Variants in POLQ observed in about 807,000 individuals in gnomAD.
POLQ encodes the protein DNA polymerase theta.
In POLQ, 233 loss-of-function variants were observed where a neutral mutation model predicts 259.2. The ratio of observed to expected loss-of-function variants is 0.90; its 90% CI spans 0.81 to 1.00. POLQ has a LOEUF of 1.00. Among genes scored for constraint, POLQ ranks in the 50% least tolerant of loss-of-function variants. The probability of loss-of-function intolerance (pLI) is 0.00; values close to 1 mark genes in which losing one functional copy is unlikely to be tolerated. For missense variants in POLQ, 2,871 were observed against 3,051.6 expected, an observed-to-expected ratio of 0.94 and a Z score of 1.39; for synonymous variants, 1,025 against 1,048.8, an observed-to-expected ratio of 0.98 and a Z score of 0.44.
Position 121,489,317 on chromosome 3 carries a change from C to T in POLQ, c.3614G>A (p.Ser1205Asn), listed in dbSNP as rs760876842. 4.3e-6 allele frequency: 7 copies of T among 1,613,638 alleles called. No individual in the cohort carries two copies. Among genetic ancestry groups the T allele is most frequent in the Non-Finnish European group, 5.1e-6 (6 of 1,179,730 alleles). The stretch of plus-strand genomic sequence containing the variant: ...TATATTTTTCTGTTTGGTAATAGTG[C>T]TTGTCTGTTCATGAGATTGCTTTCG... ...YLRKQSHEQT[S>N]TITKQKNIIE... Residue 1205 changes from serine to asparagine, a missense_variant, in exon 16 of 30, where the codon AGC (serine) becomes AAC (asparagine). This residue lies in a region of POLQ where 2,080 missense variants were observed against 2,126.0 expected (regional missense o/e 0.98). Coordinates refer to ENST00000264233, the MANE Select transcript of POLQ (RefSeq NM_199420.4).
chr3:121,491,535 T>G (rs545522787), intron 15 of POLQ, among the ~76,000 whole-genome samples: 1 of 152,016 alleles, frequency 6.6e-6, no homozygotes, highest in Non-Finnish European at 1.5e-5. Context: ...ACTTTTTACC[T>G]GAAGGCAGGG....
At chr3:121,501,261 C>G (rs1228114090) in intron 12 of POLQ, among the ~76,000 whole-genome samples, 1 of 151,852 alleles carries the variant, frequency 6.6e-6, no homozygotes, top group Non-Finnish European at 1.5e-5. Context: ...CGCCCAGCCT[C>G]AACTAAGAAT....
intron 7 of POLQ, among the ~76,000 whole-genome samples, chr3:121,526,178 C>G (rs2048372415): frequency 6.6e-6 from 1 of 152,094 alleles, no homozygotes; most frequent in Non-Finnish European, 1.5e-5. Context: ...TTCTGGATGG[C>G]CCAAGGCATT....
At chr3:121,518,171 T>A (rs1335679722) in intron 9 of POLQ, among the ~76,000 whole-genome samples, 2 of 152,230 alleles carry the variant, frequency 1.3e-5, no homozygotes, top group Admixed American at 1.3e-4. Flanking sequence ...TTAATGTATA[T>A]AGTTGTTTAC....
intron 25 of POLQ, among the ~76,000 whole-genome samples, chr3:121,455,553 T>C (rs1009036162): frequency 1.4e-4 from 21 of 150,764 alleles, no homozygotes; most frequent in African/African-American, 5.1e-4. Context: ...AAAGGGGATA[T>C]CACCACCGAT....
At chr3:121,451,550 C>A (rs986592599) in intron 25 of POLQ, among the ~76,000 whole-genome samples, 1 of 152,214 alleles carries the variant, frequency 6.6e-6, no homozygotes, top group Non-Finnish European at 1.5e-5. Flanking sequence ...TGCTGGAGGT[C>A]CGCTCCAGAC....
rs773897286 is a variant in POLQ at position 121,449,363 on chromosome 3, C to A, written c.7216G>T (p.Glu2406Ter). 4 of 1,607,664 alleles carry A rather than the reference C, an allele frequency of 2.5e-6. No individual in the cohort carries two copies. The South Asian group carries it at 4.4e-5, about 18-fold the overall frequency. ...KSLGEQMGIKENDAACYIDSF... is the reference protein window; with the variant it reads ...KSLGEQMGIK ...TCAATATAGCATGCAGCATCATTTTCTTTAATGCCCATCTGCTCTCCCAAA... is the reference window on the plus strand; with the variant it reads ...TCAATATAGCATGCAGCATCATTTTATTTAATGCCCATCTGCTCTCCCAAA... Residue 2406 changes from glutamate (E) to a stop codon, truncating the protein, a stop_gained, in exon 26 of 30, where the codon GAA becomes TAA. Transcript: ENST00000264233. LOFTEE classifies it high-confidence loss of function.
chr3:121,468,282 A>C (rs1450432651), intron 23 of POLQ, 23 bp downstream of exon 23: 1 of 1,588,412 alleles, frequency 6.3e-7, no homozygotes, highest in Non-Finnish European at 8.6e-7. Context: ...TTATTAATAC[A>C]GATACAGAGA....
At chr3:121,453,478 GTTAAA>G (rs1486072245) in intron 25 of POLQ, among the ~76,000 whole-genome samples, 1 of 152,008 alleles carries the variant, frequency 6.6e-6, no homozygotes, top group Non-Finnish European at 1.5e-5. Flanking sequence ...AGGCAAACAA[GTTAAA>G]AACTTAGAAT....
At chr3:121,464,941 G>C (rs1406832612) in intron 24 of POLQ, among the ~76,000 whole-genome samples, 1 of 152,030 alleles carries the variant, frequency 6.6e-6, no homozygotes, top group Non-Finnish European at 1.5e-5. Flanking sequence ...AACTTGTATA[G>C]ACATTGTTTT....
chr3:121,466,475 G>T (rs1038153109), intron 24 of POLQ, among the ~76,000 whole-genome samples: 1 of 151,936 alleles, frequency 6.6e-6, no homozygotes, highest in African/African-American at 2.4e-5. Flanking sequence ...CGGATCACCT[G>T]AAGTTGGGAG....
In POLQ at chr3:121,498,636, T is replaced by C. The variant is rs1398775904; in HGVS notation, c.1994A>G (p.Asp665Gly). 6.2e-7 allele frequency: 1 copy of C among 1,613,294 alleles called. No individual in the cohort carries two copies. Residue 665 changes from aspartate to glycine, a missense_variant, in exon 13 of 30, where the codon GAT (aspartate) becomes GGT (glycine). Physicochemically the swap from Asp to Gly is moderately conservative, Grantham distance 94 (BLOSUM62 -1). Around this residue, in one of 3 missense-constraint regions of POLQ, gnomAD observed 783 missense variants for 906.2 expected, o/e 0.86. Coordinates refer to ENST00000264233, the MANE Select transcript of POLQ (RefSeq NM_199420.4). Reference protein sequence around the residue: ...TPMFEDWTTIDWYRFFCLWEK... With the variant: ...TPMFEDWTTIGWYRFFCLWEK... ...CCATAAACAGAAAAATCGATACCAA[T>C]CAATAGTAGTCCAATCCTCAAACAT...
intron 25 of POLQ, 94 bp downstream of exon 25, chr3:121,459,956 C>A: frequency 1.1e-6 from 1 of 914,634 alleles, no homozygotes; most frequent in Non-Finnish European, 1.8e-6. Context: ...GTTGGAGAAA[C>A]TGTTTCTCAG....
At chr3:121,494,572 G>A (rs891187015) in intron 14 of POLQ, 220 of 1,580,200 alleles carry the variant, frequency 1.4e-4, no homozygotes, top group Non-Finnish European at 1.8e-4. Context: ...CTCAGCTGGT[G>A]GTGATTGCAC....
In POLQ at chr3:121,488,607, A is replaced by T; in HGVS notation, c.4324T>A (p.Leu1442Ile). The change falls in exon 16 of 30, where the codon TTA becomes ATA. Residue 1442 changes from leucine to isoleucine, a missense_variant. Leu to Ile is a conservative substitution (Grantham distance 5, BLOSUM62 2). Transcript: ENST00000264233. ...KNEVSVTDSQ[L>I]NSFLQGYQTQ... ...TGATAACCTTGAAGAAAACTATTTA[A>T]TTGTGAATCAGTAACAGAAACTTCA... 1 of 1,606,924 alleles carries T rather than the reference A, an allele frequency of 6.2e-7. No individual in the cohort carries two copies. Among genetic ancestry groups the T allele is most frequent in the Non-Finnish European group, 8.5e-7 (1 of 1,177,778 alleles).
intron 2 of POLQ, 45 bp from the exon 3 acceptor site, chr3:121,541,524 T>C (rs1260058892): frequency 6.6e-7 from 1 of 1,510,082 alleles, no homozygotes; most frequent in South Asian, 1.2e-5. Context: ...AAAGTAATAT[T>C]CGGTACAATT....
chr3:121,476,759 G>A (rs568418379), intron 19 of POLQ, 26 bp from the exon 20 acceptor site: 33 of 1,517,520 alleles, frequency 2.2e-5, no homozygotes, highest in Admixed American at 1.1e-4. Context: ...AAATTAAAAC[G>A]TTAATTCATT....
chr3:121,502,259 C>T (rs748820487), intron 12 of POLQ, among the ~76,000 whole-genome samples: 1 of 152,122 alleles, frequency 6.6e-6, no homozygotes, highest in Non-Finnish European at 1.5e-5. Context: ...GTTGCCCAGG[C>T]TGGACACAAT....
intron 26 of POLQ, among the ~76,000 whole-genome samples, chr3:121,443,731 GTCTTAAAGTTTTTAATCCATT>G (rs2047611918): frequency 6.6e-6 from 1 of 152,036 alleles, no homozygotes; most frequent in Admixed American, 6.6e-5. Context: ...ACAATTTGAG[GTCTTAAAGTTTTTAATCCATT>G]TTGATTTTAT....
Sources: gnomAD v4.1 joint callset for allele counts (sites outside exome capture counted in the v4.1 genomes callset) on GRCh38, gnomAD v4.1.1 for gene constraint, gnomAD v4.1.1 regional missense constraint, MANE v1.5 for transcripts, NCBI Gene and HGNC (gene_info 2026-07-23, HGNC 2026-07-21) for gene names.